Variants in CMIP observed in about 807,000 individuals in gnomAD.
CMIP encodes c-Maf inducing protein.
Under a neutral mutation model 97.3 loss-of-function variants are expected in CMIP, and 13 were observed. The ratio of observed to expected loss-of-function variants is 0.13; its 90% CI spans 0.09 to 0.21. CMIP has a LOEUF of 0.21. Among genes scored for constraint, CMIP ranks in the 10% least tolerant of loss-of-function variants. The pLI, the probability that CMIP is intolerant of heterozygous loss-of-function variation, is 1.00. For synonymous variants in CMIP, 538 were observed against 436.3 expected (o/e 1.23, Z -2.91); for missense variants, 847 against 1,024.9 (o/e 0.83, Z 2.37).
intron 1 of CMIP, among the ~76,000 whole-genome samples, chr16:81,527,699 G>A (rs538506956): frequency 4.6e-5 from 7 of 152,160 alleles, no homozygotes; most frequent in South Asian, 2.1e-4. Flanking sequence ...AAATCAATGC[G>A]TGTTCTTTTA....
chr16:81,666,564 A>T (rs1294601365), intron 7 of CMIP: 2 of 152,056 alleles, frequency 1.3e-5, no homozygotes, highest in African/African-American at 4.8e-5. Flanking sequence ...CCCAGAATTT[A>T]TAGTATCTGT....
chr16:81,568,743 G>A (rs1001043479), intron 1 of CMIP, among the ~76,000 whole-genome samples: 1 of 152,200 alleles, frequency 6.6e-6, no homozygotes, highest in African/African-American at 2.4e-5. Context: ...AGCTGGAGTT[G>A]GCTCCATAAC....
At chr16:81,645,294 C>T (rs1368294480) in intron 3 of CMIP, 1 of 1,095,840 alleles carries the variant, frequency 9.1e-7, no homozygotes, top group African/African-American at 1.6e-5. Context: ...TCTGCAGTGC[C>T]ATGGGCGCGC....
chr16:81,454,685 C>T (rs1352292265), intron 1 of CMIP, among the ~76,000 whole-genome samples: 1 of 152,236 alleles, frequency 6.6e-6, no homozygotes, highest in Non-Finnish European at 1.5e-5. Flanking sequence ...CAGACATACT[C>T]TTCCCTCCCA....
intron 1 of CMIP, among the ~76,000 whole-genome samples, chr16:81,536,114 C>T (rs2090338087): frequency 6.6e-6 from 1 of 152,224 alleles, no homozygotes; most frequent in South Asian, 2.1e-4. Context: ...CAGCCATAAC[C>T]AGCCAGTATG....
intron 20 of CMIP, 123 bp from the exon 21 acceptor site, chr16:81,709,623 C>A (rs1908536561): frequency 9.3e-7 from 1 of 1,076,972 alleles, no homozygotes; most frequent in Non-Finnish European, 1.4e-6. Flanking sequence ...AGGTAGCCCA[C>A]AGCACCAAGG....
chr16:81,505,793 C>T (rs867692580), intron 1 of CMIP, among the ~76,000 whole-genome samples: 2 of 152,146 alleles, frequency 1.3e-5, no homozygotes, highest in African/African-American at 2.4e-5. Flanking sequence ...GAGTTTGAGA[C>T]CAGCCTGACC....
At chr16:81,562,991 C>T (rs188073433) in intron 1 of CMIP, among the ~76,000 whole-genome samples, 1 of 152,276 alleles carries the variant, frequency 6.6e-6, no homozygotes, top group East Asian at 1.9e-4. Flanking sequence ...GAGGGTTACA[C>T]AGTTTTGATT....
intron 20 of CMIP, among the ~76,000 whole-genome samples, chr16:81,708,884 G>A (rs1908449047): frequency 6.6e-6 from 1 of 152,230 alleles, no homozygotes; most frequent in Non-Finnish European, 1.5e-5. Context: ...AATTGCATGT[G>A]CATGTGTGTA....
At chr16:81,706,494 G>C (rs58323048) in intron 19 of CMIP, among the ~76,000 whole-genome samples, 216 of 152,358 alleles carry the variant, frequency 1.4e-3, no homozygotes, top group African/African-American at 4.9e-3. Flanking sequence ...AGTCCCCCGG[G>C]GGGGCGCGGT....
intron 1 of CMIP, among the ~76,000 whole-genome samples, chr16:81,477,296 A>G (rs1216342148): frequency 6.6e-6 from 1 of 152,030 alleles, no homozygotes; most frequent in East Asian, 1.9e-4. Context: ...CGGGGATTAC[A>G]AGCTTACACC....
chr16:81,621,026 GC>G lies in CMIP; in HGVS notation c.477+102del. ...AGAGGCATGAAAGTGGAGAACTCAT[GC>G]CTTCCAGATGGCTCAGCTGAGGAAC... On this transcript the variant is annotated intron_variant, in intron 3 of 20. Coordinates refer to ENST00000537098, the MANE Select transcript of CMIP (RefSeq NM_198390.3). This position sits in a 1 kb window ranked among gnomAD's most constrained non-coding sequence, Gnocchi z 4.1. 6.8e-7 allele frequency: 1 copy of G among 1,476,160 alleles called. No individual in the cohort carries two copies. 91.4% of individuals were successfully genotyped at this position (1,476,160 alleles called of 1,614,324 possible).
chr16:81,483,582 CCTCTTCCTCTTCCTCTT>C (rs2089265730), intron 1 of CMIP, among the ~76,000 whole-genome samples: 1 of 151,480 alleles, frequency 6.6e-6, no homozygotes, highest in Non-Finnish European at 1.5e-5. Flanking sequence ...TCTTCCTCTT[CCTCTTCCTCTTCCTCTT>C]CCTCTCCCTC....
intron 8 of CMIP, 39 bp downstream of exon 8, chr16:81,670,284 C>G: frequency 6.4e-7 from 1 of 1,568,744 alleles, no homozygotes; most frequent in Non-Finnish European, 8.7e-7. Flanking sequence ...GGCCTAGGAG[C>G]CACTTTCCTC....
At chr16:81,643,365 G>C (rs1273337738) in intron 3 of CMIP, among the ~76,000 whole-genome samples, 1 of 152,254 alleles carries the variant, frequency 6.6e-6, no homozygotes, top group Admixed American at 6.5e-5. Context: ...TAGTTGCCCA[G>C]GGGCTGGGGG....
At chr16:81,707,107 C>A in intron 20 of CMIP, 23 bp downstream of exon 20, 1 of 1,596,724 alleles carries the variant, frequency 6.3e-7, no homozygotes, top group Non-Finnish European at 8.6e-7. Flanking sequence ...TTCCTCCCCA[C>A]TCTCCTCCCC....
chr16:81,545,617 C>T (rs1030145718), intron 1 of CMIP, among the ~76,000 whole-genome samples: 3 of 152,176 alleles, frequency 2.0e-5, no homozygotes, highest in Admixed American at 6.5e-5. Context: ...TGGTCCAGAC[C>T]ACACAGCACG....
chr16:81,658,390 G>T (rs1430090363), intron 5 of CMIP, among the ~76,000 whole-genome samples: 2 of 152,238 alleles, frequency 1.3e-5, no homozygotes, highest in Non-Finnish European at 2.9e-5. Flanking sequence ...ACCATGCTAT[G>T]TATTTGAATT....
At chr16:81,502,520 T>C (rs1248321748) in intron 1 of CMIP, among the ~76,000 whole-genome samples, 1 of 152,150 alleles carries the variant, frequency 6.6e-6, no homozygotes, top group Non-Finnish European at 1.5e-5. Flanking sequence ...CATTAACTCA[T>C]TCGCTCAGCG....
Sources: allele counts gnomAD v4.1 joint callset (sites outside exome capture counted in the v4.1 genomes callset), GRCh38; gene constraint gnomAD v4.1.1; non-coding constraint Gnocchi (gnomAD v3.1); transcripts MANE v1.5; gene names NCBI Gene and HGNC (gene_info 2026-07-23, HGNC 2026-07-21).